Variants in OSBPL10 observed in about 807,000 individuals in gnomAD.
OSBPL10 encodes the protein oxysterol binding protein like 10, also known as oxysterol-binding protein-related protein 10.
OSBPL10 carries 49 observed loss-of-function variants against 81.7 expected under a neutral mutation model. The observed-to-expected ratio is 0.60, with a 90% CI of 0.48 to 0.76. The LOEUF (loss-of-function observed/expected upper bound fraction) is 0.76. Among genes scored for constraint, OSBPL10 ranks in the 30% least tolerant of loss-of-function variants. OSBPL10 has a pLI of 0.00. For missense variants in OSBPL10, 923 were observed against 987.8 expected, an observed-to-expected ratio of 0.93 and a Z score of 0.88; for synonymous variants, 419 against 383.6, an observed-to-expected ratio of 1.09 and a Z score of -1.08.
intron 4 of OSBPL10, among the ~76,000 whole-genome samples, chr3:31,792,740 A>AGT (rs10575874): frequency 0.19 from 25,141 of 133,286 alleles, 2,443 homozygotes; most frequent in Non-Finnish European, 0.22. Context: ...CCAGACACAG[A>AGT]GTGTGTGTGT....
chr3:31,709,442 G>A (rs1222359840), intron 6 of OSBPL10: 2 of 152,104 alleles, frequency 1.3e-5, no homozygotes, highest in East Asian at 3.9e-4. Flanking sequence ...AAGATAATTG[G>A]GAACAATTAT....
At chr3:31,794,633 G>C (rs1575548931) in intron 4 of OSBPL10, 1 of 335,728 alleles carries the variant, frequency 3.0e-6, no homozygotes, top group East Asian at 8.8e-5. Context: ...TCTTCCCTGG[G>C]TTGTTGGTGT....
chr3:31,835,196 G>C (rs1445223776), intron 3 of OSBPL10, among the ~76,000 whole-genome samples: 1 of 151,562 alleles, frequency 6.6e-6, no homozygotes, highest in Non-Finnish European at 1.5e-5. Flanking sequence ...TTGCTTCGGA[G>C]AAAAAAAATG....
rs370115224 is a variant in OSBPL10, at chr3:32,031,450, G to C, written n.298+15041C>G. 5.9e-4 allele frequency among the ~76,000 whole-genome samples: 89 copies of C among 151,200 alleles called. 1 individual carries two copies. The highest frequency in any genetic ancestry group is 1.8e-3 in the African/African-American group (72 of 40,938). On this transcript the variant is annotated intron_variant and non_coding_transcript_variant, in intron 2 of 3. Coordinates refer to the OSBPL10 transcript ENST00000479173. ...TCTCTTCAGTTATTTAACCTGAAAGGCTTCTTAAATAATTTTTTTTTTTTT... is the reference window on the plus strand; with the variant it reads ...TCTCTTCAGTTATTTAACCTGAAAGCCTTCTTAAATAATTTTTTTTTTTTT...
At chr3:31,898,676 A>G (rs1696135464) in intron 1 of OSBPL10, among the ~76,000 whole-genome samples, 1 of 152,058 alleles carries the variant, frequency 6.6e-6, no homozygotes, top group South Asian at 2.1e-4. Context: ...AACATAATTT[A>G]CCACTAAGGG....
At chr3:31,680,574 G>A (rs984211165) in intron 8 of OSBPL10, among the ~76,000 whole-genome samples, 3 of 152,176 alleles carry the variant, frequency 2.0e-5, no homozygotes, top group African/African-American at 4.8e-5. Flanking sequence ...GGACTCATCC[G>A]GGGTCTGCTG....
At chr3:31,831,781 A>T (rs1023494941) in intron 3 of OSBPL10, among the ~76,000 whole-genome samples, 1 of 152,038 alleles carries the variant, frequency 6.6e-6, no homozygotes, top group African/African-American at 2.4e-5. Context: ...TTGTGGAGGT[A>T]AAAAAGGTGG....
intron 1 of OSBPL10, among the ~76,000 whole-genome samples, chr3:31,960,800 G>A (rs998133644): frequency 2.6e-5 from 4 of 151,866 alleles, no homozygotes; most frequent in Admixed American, 6.6e-5. Context: ...CCCTACAAAT[G>A]CTCACCACCA....
At chr3:31,981,751 C>T (rs1244575053), upstream of OSBPL10, 1 of 152,476 alleles carries the variant, frequency 6.6e-6, no homozygotes, top group Non-Finnish European at 1.5e-5. The surrounding 1 kb of genome is among the most constrained non-coding windows in gnomAD (Gnocchi z 4.5). Context: ...GGCTCACACG[C>T]ACACTCCCTC....
intron 1 of OSBPL10, among the ~76,000 whole-genome samples, chr3:31,892,631 A>G (rs1233489444): frequency 6.6e-6 from 1 of 152,244 alleles, no homozygotes; most frequent in Non-Finnish European, 1.5e-5. Context: ...CTTGGGGATC[A>G]TGCCTGGGCT....
chr3:31,768,704 C>T (rs543311368), intron 4 of OSBPL10, among the ~76,000 whole-genome samples: 1 of 152,312 alleles, frequency 6.6e-6, no homozygotes, highest in South Asian at 2.1e-4. Flanking sequence ...CTGTATACTT[C>T]ACCCTCTGTG....
At chr3:31,669,148 G>C (rs952459800) in intron 9 of OSBPL10, among the ~76,000 whole-genome samples, 4 of 152,104 alleles carry the variant, frequency 2.6e-5, no homozygotes, top group African/African-American at 7.2e-5. Flanking sequence ...TAAGTGGGAA[G>C]GGGACGAGAA....
intron 3 of OSBPL10, among the ~76,000 whole-genome samples, chr3:31,864,855 T>C (rs1394870399): frequency 6.6e-6 from 1 of 152,144 alleles, no homozygotes; most frequent in Non-Finnish European, 1.5e-5. Context: ...CTTTTGTCCT[T>C]CACTAAAGCC....
intron 2 of OSBPL10, chr3:32,030,707 G>A (rs1699459260): frequency 5.4e-6 from 4 of 743,588 alleles, no homozygotes; most frequent in African/African-American, 3.5e-5. Flanking sequence ...AAAGACCTCT[G>A]GACTGTAAAA....
At chr3:31,884,560 A>G (rs1421669495) in intron 1 of OSBPL10, among the ~76,000 whole-genome samples, 2 of 152,238 alleles carry the variant, frequency 1.3e-5, no homozygotes, top group African/African-American at 2.4e-5. Context: ...CCCTGGTAGG[A>G]AAGAAATTAA....
chr3:31,826,823 AG>A (rs1700111665), intron 4 of OSBPL10, among the ~76,000 whole-genome samples: 1 of 152,206 alleles, frequency 6.6e-6, no homozygotes, highest in African/African-American at 2.4e-5. Flanking sequence ...CAAATTCCAA[AG>A]AACAGCTACT....
At chr3:31,829,050 T>C (rs962613840) in intron 4 of OSBPL10, among the ~76,000 whole-genome samples, 5 of 152,218 alleles carry the variant, frequency 3.3e-5, no homozygotes, top group African/African-American at 9.6e-5. Flanking sequence ...AGAACCAAGA[T>C]AGTCAGCTAA....
chr3:31,855,779 C>A (rs774881034), intron 3 of OSBPL10, among the ~76,000 whole-genome samples: 14 of 152,134 alleles, frequency 9.2e-5, no homozygotes, highest in Non-Finnish European at 1.2e-4. Context: ...CTGACCCCAA[C>A]TTTATCACTC....
rs1378133079 is a variant in OSBPL10 at position 31,892,641 on chromosome 3, TGTCCCC to T, written c.282-12817_282-12812del. 3.3e-5 allele frequency among the ~76,000 whole-genome samples: 5 copies of T among 152,244 alleles called. No homozygotes were observed. In the East Asian group the frequency reaches 9.6e-4, roughly 29 times the overall value. On this transcript the variant is annotated intron_variant, in intron 1 of 11. Transcript: ENST00000396556. Reference sequence around the variant, plus strand: ...CAGAGCTTGGGGATCATGCCTGGGCTGTCCCCAGCCTCCTCCTAGCAATGCTGACCG... The same window carrying T: ...CAGAGCTTGGGGATCATGCCTGGGCTAGCCTCCTCCTAGCAATGCTGACCG...
Sources: allele counts gnomAD v4.1 joint callset (sites outside exome capture counted in the v4.1 genomes callset), GRCh38; gene constraint gnomAD v4.1.1; non-coding constraint Gnocchi (gnomAD v3.1); transcripts MANE v1.5; gene names NCBI Gene and HGNC (gene_info 2026-07-23, HGNC 2026-07-21).